Variants in KCNQ1 observed in about 807,000 individuals in gnomAD.
KCNQ1 encodes the protein potassium voltage-gated channel subfamily KQT member 1.
A neutral mutation model predicts 72.4 loss-of-function variants in KCNQ1; 49 were observed. That is an observed-to-expected ratio of 0.68 (90% CI 0.54 to 0.86). The LOEUF is 0.86. KCNQ1 is among the 40% of genes least tolerant of loss of function. The pLI is 0.00. For synonymous variants in KCNQ1, 450 were observed against 412.6 expected (o/e 1.09, Z -1.10); for missense variants, 790 against 945.1 (o/e 0.84, Z 2.15).
rs112529 is a variant in KCNQ1 at position 2,521,864 on chromosome 11, G to T, written c.387-6064G>T. ...CAGGCCCATTTAGGAGCACCACTCA[G>T]GGGCCCTAGTGTGTGCGGCAGGGCA... On this transcript the variant is annotated intron_variant, in intron 1 of 15. Transcript: ENST00000155840. Among the ~76,000 whole-genome samples, 59 of 152,208 alleles carry T rather than the reference G, an allele frequency of 3.9e-4. 1 individual carries two copies. The highest frequency in any genetic ancestry group is 6.5e-4 in the Admixed American group (10 of 15,288).
At chr11:2,501,619 C>T (rs147432660) in intron 1 of KCNQ1, among the ~76,000 whole-genome samples, 1,601 of 150,076 alleles carry the variant, frequency 0.011, 18 homozygotes, top group Middle Eastern at 0.041. Context: ...AATACTAATC[C>T]TTCTGAAACT....
chr11:2,509,937 G>T lies in KCNQ1; in HGVS notation c.387-17991G>T, dbSNP rs1051266363. 1.3e-5 allele frequency among the ~76,000 whole-genome samples: 2 copies of T among 152,120 alleles called. No homozygotes were observed. Among genetic ancestry groups the T allele is most frequent in the African/African-American group, 4.8e-5 (2 of 41,434 alleles). On this transcript the variant is annotated intron_variant, in intron 1 of 15. Coordinates refer to ENST00000155840, the MANE Select transcript of KCNQ1 (RefSeq NM_000218.3). This position sits in a 1 kb window ranked among gnomAD's most constrained non-coding sequence, Gnocchi z 6.3. The stretch of plus-strand genomic sequence containing the variant: ...ACTGCCAGGGCTGCCTCTCTCTTTA[G>T]ATATGTCCTGGCATCTGACTTTGGT...
rs1347160559 is a variant in KCNQ1 at position 2,515,485 on chromosome 11, C to A, written c.387-12443C>A. On this transcript the variant is annotated intron_variant, in intron 1 of 15. Transcript: ENST00000155840. This position sits in a 1 kb window ranked among gnomAD's most constrained non-coding sequence, Gnocchi z 4.7. ...CCCCTGCTGCCCAGCAAGACCACCA[C>A]CCTCTGCTCCAGGACAGCGCAGCCG... Among the ~76,000 whole-genome samples the A allele has an allele frequency of 6.6e-6, 1 of 152,148 alleles. No individual in the cohort carries two copies. Among genetic ancestry groups the A allele is most frequent in the Non-Finnish European group, 1.5e-5 (1 of 68,014 alleles).
chr11:2,662,905 G>C (rs1038645053), intron 11 of KCNQ1: 3 of 398,684 alleles, frequency 7.5e-6, no homozygotes, highest in Non-Finnish European at 1.3e-5. Flanking sequence ...CTCTCTGGGG[G>C]TCAGGAGGTT....
chr11:2,588,868 A>G lies in KCNQ1; in HGVS notation c.1393+14A>G. The G allele has an allele frequency of 1.9e-6, 3 of 1,610,918 alleles. No individual in the cohort carries two copies. Among genetic ancestry groups the G allele is most frequent in the South Asian group, 1.1e-5 (1 of 90,916 alleles). The stretch of plus-strand genomic sequence containing the variant: ...ATGACAGTTCTGGTGAGAACCCCTC[A>G]GGCAGTTGGGGGCCGCGGGGCCGGG... On this transcript the variant is annotated intron_variant, in intron 10 of 15. Coordinates refer to ENST00000155840, the MANE Select transcript of KCNQ1 (RefSeq NM_000218.3). The surrounding 1 kb of genome is among the most constrained non-coding windows in gnomAD (Gnocchi z 5.6).
At chr11:2,699,101 G>A (rs1850726622) in intron 11 of KCNQ1, 1 of 398,522 alleles carries the variant, frequency 2.5e-6, no homozygotes, top group Non-Finnish European at 4.4e-6. Flanking sequence ...TCCCAATAGC[G>A]CGGACTCAGA....
Position 2,587,578 on chromosome 11 carries a change from G to A in KCNQ1, c.1137G>A (p.Trp379Ter), listed in dbSNP as rs267602832. 6.2e-7 allele frequency: 1 copy of A among 1,613,814 alleles called. No individual in the cohort carries two copies. Among genetic ancestry groups the A allele is most frequent in the Non-Finnish European group, 8.5e-7 (1 of 1,180,016 alleles). ...CCCCTGCCCGACCTCAGACCGCATG[G>A]AGGTGCTATGCTGCCGAGAACCCCG... Reference protein sequence around the residue: ...PAAASLIQTAWRCYAAENPDS... With the variant: ...PAAASLIQTA Residue 379 changes from tryptophan to a stop codon, truncating the protein, a stop_gained, in exon 9 of 16, where the codon TGG becomes TGA. Coordinates refer to ENST00000155840, the MANE Select transcript of KCNQ1 (RefSeq NM_000218.3). LOFTEE classifies it high-confidence loss of function.
rs550005589 is a variant in KCNQ1 at position 2,661,944 on chromosome 11, CCA to C, written c.1394-13_1394-12del. The C allele has an allele frequency of 6.6e-5, 107 of 1,614,022 alleles. No individual in the cohort carries two copies. Among genetic ancestry groups the C allele is most frequent in the Middle Eastern group, 1.6e-4 (1 of 6,084 alleles). ...GGGTGGGAGGCCTAACGTGCTGTCC[CCA>C]CACTTTCTCCTCAGTAAGGAAGAGC... On this transcript the variant is annotated splice_polypyrimidine_tract_variant and intron_variant, in intron 10 of 15. Transcript: ENST00000155840. The surrounding 1 kb of genome is among the most constrained non-coding windows in gnomAD (Gnocchi z 5.9).
chr11:2,506,152 A>T (rs1847101309), intron 1 of KCNQ1, among the ~76,000 whole-genome samples: 1 of 152,058 alleles, frequency 6.6e-6, no homozygotes, highest in Non-Finnish European at 1.5e-5. Context: ...ATCATCCTCA[A>T]ATCCAAAGTC....
In KCNQ1 at chr11:2,675,048, A is replaced by C. The variant is rs1590024373; in HGVS notation, c.1514+12967A>C. 6 of 398,604 alleles carry C rather than the reference A, an allele frequency of 1.5e-5. No individual in the cohort carries two copies. The East Asian group carries it at 2.1e-4, about 14-fold the overall frequency. 24.7% of individuals were successfully genotyped at this position (398,604 alleles called of 1,614,324 possible). On this transcript the variant is annotated intron_variant, in intron 11 of 15. Transcript: ENST00000155840. ...GCCAGAGCCCAGGTGGGGGACGGGGATGCCAAGGGCAGAGCCCCTGGAGAG... is the reference window on the plus strand; with the variant it reads ...GCCAGAGCCCAGGTGGGGGACGGGGCTGCCAAGGGCAGAGCCCCTGGAGAG...
At position 2,750,817 on chromosome 11, in the gene KCNQ1, A is replaced by C. The variant is rs1215596713; in HGVS notation, c.1515-18027A>C. ...TTGTTTTCTTTCTCCGGCATGCTGG[A>C]AGCCGGCCAACTCGCCAGTTCCATT... On this transcript the variant is annotated intron_variant, in intron 11 of 15. Transcript: ENST00000155840. This position sits in a 1 kb window ranked among gnomAD's most constrained non-coding sequence, Gnocchi z 6.3. Among the ~76,000 whole-genome samples, 1 of 152,090 alleles carries C rather than the reference A, an allele frequency of 6.6e-6. No individual in the cohort carries two copies. The highest frequency in any genetic ancestry group is 1.5e-5 in the Non-Finnish European group (1 of 68,032).
intron 1 of KCNQ1, among the ~76,000 whole-genome samples, chr11:2,448,026 C>G (rs1432020752): frequency 6.6e-6 from 1 of 152,210 alleles, no homozygotes; most frequent in Non-Finnish European, 1.5e-5. Context: ...GCTTCCTGCC[C>G]CCAACACCCC....
At chr11:2,740,529 C>A (rs1017880203) in intron 11 of KCNQ1, among the ~76,000 whole-genome samples, 1 of 152,160 alleles carries the variant, frequency 6.6e-6, no homozygotes, top group Non-Finnish European at 1.5e-5. Context: ...CGAATGTGAG[C>A]GGGTGGACCC....
In KCNQ1 at chr11:2,620,503, A is replaced by G; in HGVS notation, c.1393+31649A>G. The G allele has an allele frequency of 2.7e-6, 1 of 372,986 alleles. No homozygotes were observed. Among genetic ancestry groups the G allele is most frequent in the Non-Finnish European group, 4.7e-6 (1 of 210,816 alleles). 23.1% of individuals were successfully genotyped at this position (372,986 alleles called of 1,614,324 possible). A position where few individuals can be genotyped will look rare whatever the true frequency, so the allele number is the denominator to read the frequency against. On this transcript the variant is annotated intron_variant, in intron 10 of 15. Coordinates refer to ENST00000155840, the MANE Select transcript of KCNQ1 (RefSeq NM_000218.3). The surrounding 1 kb of genome is among the most constrained non-coding windows in gnomAD (Gnocchi z 4.5). ...AGTGCTGGGATTACAGGTGAGAGCT[A>G]CCGCACCTGGCCGAATTCATTCATT...
chr11:2,580,178 TC>T (rs1239330345), intron 6 of KCNQ1, among the ~76,000 whole-genome samples: 5 of 151,862 alleles, frequency 3.3e-5, no homozygotes, highest in African/African-American at 1.2e-4. Flanking sequence ...CCCACTGGCC[TC>T]CCCCAACTGC....
At chr11:2,793,203 G>A (rs1252202814) in intron 15 of KCNQ1, among the ~76,000 whole-genome samples, 1 of 152,232 alleles carries the variant, frequency 6.6e-6, no homozygotes, top group African/African-American at 2.4e-5. Context: ...AAACACAAGG[G>A]CTCTTGTTCT....
At chr11:2,614,800 G>A (rs905958748) in intron 10 of KCNQ1, 1 of 398,250 alleles carries the variant, frequency 2.5e-6, no homozygotes, top group African/African-American at 2.1e-5. Context: ...CTGCAGCTTT[G>A]TAAAAGTTTT....
intron 11 of KCNQ1, chr11:2,697,421 T>G (rs1169107194): frequency 5.0e-6 from 2 of 398,510 alleles, no homozygotes; most frequent in African/African-American, 4.1e-5. Context: ...ATGACATCCT[T>G]GGCCTACTCC....
At chr11:2,456,229 C>T (rs1324439704) in intron 1 of KCNQ1, among the ~76,000 whole-genome samples, 1 of 151,618 alleles carries the variant, frequency 6.6e-6, no homozygotes. Flanking sequence ...TCCCAGCTAC[C>T]CGGGAAGCTG....
Sources: gnomAD v4.1 joint callset for allele counts (sites outside exome capture counted in the v4.1 genomes callset) on GRCh38, gnomAD v4.1.1 for gene constraint, Gnocchi (gnomAD v3.1) non-coding constraint, MANE v1.5 for transcripts, NCBI Gene and HGNC (gene_info 2026-07-23, HGNC 2026-07-21) for gene names.